The following SKAP1 variants were observed in gnomAD, a reference collection of about 807,000 sequenced individuals.
The protein encoded by SKAP1 is src kinase-associated phosphoprotein 1.
Under a neutral mutation model 58.5 loss-of-function variants are expected in SKAP1, and 44 were observed. That is an observed-to-expected ratio of 0.75 (90% CI 0.59 to 0.97). The LOEUF is 0.97. SKAP1 is among the 50% of genes least tolerant of loss of function. The pLI, the probability that SKAP1 is intolerant of heterozygous loss-of-function variation, is 0.00. For synonymous variants in SKAP1, 127 were observed against 149.7 expected (o/e 0.85, Z 1.11); for missense variants, 390 against 435.2 (o/e 0.90, Z 0.92).
At chr17:48,279,252 G>A (rs1299331813) in intron 4 of SKAP1, among the ~76,000 whole-genome samples, 2 of 152,168 alleles carry the variant, frequency 1.3e-5, no homozygotes, top group Non-Finnish European at 2.9e-5. Flanking sequence ...TCCTCAGGGC[G>A]CTGGTAGAAG....
At chr17:48,166,969 A>G (rs1399108744) in intron 10 of SKAP1, among the ~76,000 whole-genome samples, 2 of 151,858 alleles carry the variant, frequency 1.3e-5, no homozygotes, top group South Asian at 2.1e-4. Flanking sequence ...GGCTCAAGCT[A>G]TCTTCCCCCT....
At chr17:48,277,084 T>G (rs1293414536) in intron 4 of SKAP1, among the ~76,000 whole-genome samples, 1 of 152,350 alleles carries the variant, frequency 6.6e-6, no homozygotes, top group South Asian at 2.1e-4. Flanking sequence ...AAAAGGAAAT[T>G]TAAGTTTCTC....
intron 1 of SKAP1, among the ~76,000 whole-genome samples, chr17:48,402,695 A>G (rs1256009777): frequency 6.6e-6 from 1 of 152,218 alleles, no homozygotes; most frequent in African/African-American, 2.4e-5. Flanking sequence ...TGATGAATGG[A>G]TAGATAAAAT....
intron 6 of SKAP1, among the ~76,000 whole-genome samples, chr17:48,187,083 C>T (rs1034936856): frequency 7.2e-5 from 11 of 152,174 alleles, no homozygotes; most frequent in Non-Finnish European, 1.0e-4. Flanking sequence ...ATCCCCTATT[C>T]GAAAGTTTGC....
intron 12 of SKAP1, chr17:48,136,828 ATT>A (rs34823377): frequency 1.5e-3 from 227 of 149,738 alleles, no homozygotes; most frequent in South Asian, 3.1e-3. Flanking sequence ...CACCTGACTA[ATT>A]TTTTTTTTTT....
chr17:48,317,808 G>A (rs986969608), intron 4 of SKAP1, among the ~76,000 whole-genome samples: 4 of 152,032 alleles, frequency 2.6e-5, no homozygotes, highest in African/African-American at 7.2e-5. Flanking sequence ...ACTCTCATGA[G>A]ACATTAAGTT....
chr17:48,172,562 T>C (rs757351892), intron 9 of SKAP1, among the ~76,000 whole-genome samples: 3 of 152,196 alleles, frequency 2.0e-5, no homozygotes, highest in Non-Finnish European at 4.4e-5. Flanking sequence ...CTCACACATA[T>C]ATACACACAT....
chr17:48,309,720 T>C (rs2066197690), intron 4 of SKAP1, among the ~76,000 whole-genome samples: 1 of 152,214 alleles, frequency 6.6e-6, no homozygotes, highest in South Asian at 2.1e-4. Context: ...GAGTATGACA[T>C]TTTTAAATAC....
chr17:48,198,430 G>C (rs888189842), intron 4 of SKAP1, among the ~76,000 whole-genome samples: 1 of 125,178 alleles, frequency 8.0e-6, no homozygotes, highest in Non-Finnish European at 1.6e-5. Flanking sequence ...ACTCCAACCT[G>C]GGAGACACAG....
At chr17:48,173,136 C>T (rs1194434201) in intron 9 of SKAP1, among the ~76,000 whole-genome samples, 9 of 151,662 alleles carry the variant, frequency 5.9e-5, no homozygotes, top group South Asian at 4.2e-4. Flanking sequence ...GCCATGATTG[C>T]GCTACTGCAG....
At chr17:48,189,329 G>A (rs554785520) in intron 5 of SKAP1, 94 bp downstream of exon 5, 21 of 991,704 alleles carry the variant, frequency 2.1e-5, no homozygotes, top group African/African-American at 1.3e-4. Flanking sequence ...GCACAGTACC[G>A]GGCACAGAGA....
At chr17:48,258,827 T>C (rs1449642735) in intron 4 of SKAP1, among the ~76,000 whole-genome samples, 1 of 152,088 alleles carries the variant, frequency 6.6e-6, no homozygotes. Flanking sequence ...TAGTACTGAA[T>C]GGTTCTGGAG....
At chr17:48,225,870 C>T (rs941088825) in intron 4 of SKAP1, among the ~76,000 whole-genome samples, 4 of 152,118 alleles carry the variant, frequency 2.6e-5, no homozygotes, top group Admixed American at 1.3e-4. Flanking sequence ...CTGACTAGGA[C>T]GTGCGAGAAA....
intron 11 of SKAP1, among the ~76,000 whole-genome samples, chr17:48,146,029 A>T (rs2063828781): frequency 6.6e-6 from 1 of 152,116 alleles, no homozygotes; most frequent in African/African-American, 2.4e-5. Flanking sequence ...CTCTGGGGTG[A>T]GGCCCAGAAC....
chr17:48,295,660 A>G (rs1177151231), intron 4 of SKAP1: 1 of 147,734 alleles, frequency 6.8e-6, no homozygotes, highest in Non-Finnish European at 1.5e-5. Context: ...ATGGGTAAAC[A>G]TTGCTCTATT....
intron 4 of SKAP1, among the ~76,000 whole-genome samples, chr17:48,220,727 C>T (rs1364722154): frequency 4.0e-5 from 6 of 151,854 alleles, no homozygotes; most frequent in South Asian, 4.2e-4. Flanking sequence ...GTTGCACATG[C>T]CTGTAATCCC....
At chr17:48,183,004 C>T (rs3792693) in intron 7 of SKAP1, among the ~76,000 whole-genome samples, 126,499 of 152,192 alleles carry the variant, frequency 0.83, 52,638 homozygotes, top group East Asian at 0.95. Flanking sequence ...ACATGACTTA[C>T]GGGGAAGCCT....
chr17:48,177,864 C>T (rs2064312028), intron 9 of SKAP1, among the ~76,000 whole-genome samples: 1 of 152,118 alleles, frequency 6.6e-6, no homozygotes, highest in Non-Finnish European at 1.5e-5. Context: ...CAGTGTTGTC[C>T]TTTGGAAACT....
rs528755295 is a variant in SKAP1 at position 48,322,373 on chromosome 17, CA to C, written c.280+23531del. ...TATGCATATATATTTAGACCCATTT[CA>C]TTTGATATGTGGTTCATTTGGGGGT... On this transcript the variant is annotated intron_variant, in intron 4 of 12. Transcript: ENST00000336915. Among the ~76,000 whole-genome samples, 609 of 152,234 alleles carry C rather than the reference CA, an allele frequency of 4.0e-3. 8 individuals are homozygous for C. Among genetic ancestry groups the C allele is most frequent in the African/African-American group, 0.014 (583 of 41,526 alleles).
Sources: allele counts gnomAD v4.1 joint callset (sites outside exome capture counted in the v4.1 genomes callset), GRCh38; gene constraint gnomAD v4.1.1; transcripts MANE v1.5; gene names NCBI Gene and HGNC (gene_info 2026-07-23, HGNC 2026-07-21).